ERBB4: variants seen among roughly 807,000 people sequenced by gnomAD.
The protein encoded by ERBB4 is receptor tyrosine-protein kinase erbB-4.
ERBB4 carries 42 observed loss-of-function variants against 158.0 expected under a neutral mutation model. That is an observed-to-expected ratio of 0.27 (90% CI 0.21 to 0.34). ERBB4 has a LOEUF of 0.34. ERBB4 is among the 10% of genes least tolerant of loss of function. The pLI, the probability that ERBB4 is intolerant of heterozygous loss-of-function variation, is 1.00. For missense variants in ERBB4, 1,333 were observed against 1,624.1 expected (o/e 0.82, Z 3.08); for synonymous variants, 583 against 558.7 (o/e 1.04, Z -0.61).
intron 13 of ERBB4, among the ~76,000 whole-genome samples, chr2:211,676,899 T>C (rs1047850213): frequency 6.6e-6 from 1 of 152,212 alleles, no homozygotes; most frequent in African/African-American, 2.4e-5. Flanking sequence ...ATGTTCATAA[T>C]ATTGGGAACA....
At chr2:211,724,383 C>T (rs1231037637) in intron 6 of ERBB4, among the ~76,000 whole-genome samples, 2 of 150,204 alleles carry the variant, frequency 1.3e-5, no homozygotes, top group Non-Finnish European at 3.0e-5. Flanking sequence ...AATTCTACTA[C>T]ATATGTTTGC....
chr2:211,995,700 C>A (rs1199395408), intron 2 of ERBB4, among the ~76,000 whole-genome samples: 1 of 152,136 alleles, frequency 6.6e-6, no homozygotes, highest in East Asian at 1.9e-4. Flanking sequence ...TCAGGTACAA[C>A]ATCTAATGCC....
At chr2:212,245,599 G>A (rs2084278857) in intron 1 of ERBB4, among the ~76,000 whole-genome samples, 1 of 151,844 alleles carries the variant, frequency 6.6e-6, no homozygotes, top group Non-Finnish European at 1.5e-5. Context: ...TGTAAAAGGT[G>A]AAATTATATC....
intron 1 of ERBB4, among the ~76,000 whole-genome samples, chr2:212,210,923 C>G (rs903308088): frequency 2.6e-5 from 4 of 152,066 alleles, no homozygotes; most frequent in African/African-American, 9.7e-5. Flanking sequence ...TGGCATCTCT[C>G]TCTCTCTCAT....
intron 1 of ERBB4, among the ~76,000 whole-genome samples, chr2:212,445,219 G>A (rs1212325173): frequency 6.6e-6 from 1 of 152,026 alleles, no homozygotes; most frequent in African/African-American, 2.4e-5. Context: ...ATGTTCTCCA[G>A]AACGCCGTGT....
At chr2:211,596,568 T>C (rs892668186) in intron 19 of ERBB4, among the ~76,000 whole-genome samples, 2 of 152,176 alleles carry the variant, frequency 1.3e-5, no homozygotes, top group African/African-American at 4.8e-5. Context: ...AATAAACCTC[T>C]GCATTCTCTT....
At chr2:212,106,650 T>A (rs1246330887) in intron 2 of ERBB4, among the ~76,000 whole-genome samples, 4 of 152,208 alleles carry the variant, frequency 2.6e-5, no homozygotes, top group Non-Finnish European at 5.9e-5. Flanking sequence ...GGGGAAAATG[T>A]CCCCAGGGCA....
chr2:212,333,368 G>A (rs929913054), intron 1 of ERBB4, among the ~76,000 whole-genome samples: 3 of 108,858 alleles, frequency 2.8e-5, no homozygotes, highest in Non-Finnish European at 6.3e-5. Flanking sequence ...GCATAATCTG[G>A]GTAGCTTTAA....
At chr2:212,169,190 G>A (rs1389079584) in intron 1 of ERBB4, among the ~76,000 whole-genome samples, 4 of 151,852 alleles carry the variant, frequency 2.6e-5, no homozygotes, top group African/African-American at 9.7e-5. Context: ...AGAAATGTTG[G>A]TATGAGTACG....
intron 1 of ERBB4, among the ~76,000 whole-genome samples, chr2:212,376,852 G>A (rs58503609): frequency 0.05 from 7,535 of 152,040 alleles, 625 homozygotes; most frequent in African/African-American, 0.17. Flanking sequence ...TTCCATGAAA[G>A]TTTTGAAGTC....
At chr2:212,048,212 T>C (rs544898681) in intron 2 of ERBB4, among the ~76,000 whole-genome samples, 8 of 152,328 alleles carry the variant, frequency 5.3e-5, no homozygotes, top group Admixed American at 2.0e-4. Flanking sequence ...CCAAATTCTA[T>C]AGAATTTTGT....
chr2:212,251,080 A>G (rs2084515283), intron 1 of ERBB4, among the ~76,000 whole-genome samples: 2 of 151,978 alleles, frequency 1.3e-5, no homozygotes, highest in South Asian at 4.1e-4. Flanking sequence ...GTACAAAATT[A>G]TTTCAAATTT....
intron 2 of ERBB4, among the ~76,000 whole-genome samples, chr2:212,105,602 C>G (rs10192870): frequency 0.047 from 7,144 of 152,052 alleles, 577 homozygotes; most frequent in African/African-American, 0.16. Flanking sequence ...GCATTTGTGT[C>G]GAAAAATGTT....
chr2:212,388,486 G>C (rs1415079033), intron 1 of ERBB4, among the ~76,000 whole-genome samples: 1 of 152,048 alleles, frequency 6.6e-6, no homozygotes, highest in Non-Finnish European at 1.5e-5. Flanking sequence ...TCTTCGTGCT[G>C]TTATACCTGG....
chr2:211,710,216 G>C (rs979936087), intron 9 of ERBB4, among the ~76,000 whole-genome samples: 137 of 152,214 alleles, frequency 9.0e-4, no homozygotes, highest in African/African-American at 3.2e-3. Context: ...CAATTCATGT[G>C]AATATGATTT....
At chr2:211,709,001 T>C (rs1173916721) in intron 9 of ERBB4, among the ~76,000 whole-genome samples, 2 of 151,922 alleles carry the variant, frequency 1.3e-5, no homozygotes, top group Non-Finnish European at 2.9e-5. Flanking sequence ...TTCTAATCCA[T>C]GTAAGCTGAT....
intron 1 of ERBB4, among the ~76,000 whole-genome samples, chr2:212,382,057 G>A (rs2090520225): frequency 6.6e-6 from 1 of 150,420 alleles, no homozygotes; most frequent in East Asian, 1.9e-4. Context: ...CACCTCCCCA[G>A]GCCTACTAAA....
intron 1 of ERBB4, among the ~76,000 whole-genome samples, chr2:212,214,243 C>T (rs1336764485): frequency 6.6e-6 from 1 of 151,794 alleles, no homozygotes; most frequent in Admixed American, 6.6e-5. Flanking sequence ...TTTATCTGCA[C>T]TGCCCAATAG....
chr2:211,413,343 CACACAT>C (rs1332322448), intron 25 of ERBB4, among the ~76,000 whole-genome samples: 12 of 116,378 alleles, frequency 1.0e-4, no homozygotes, highest in African/African-American at 3.6e-4. Context: ...CACACACACA[CACACAT>C]TGATAAAAAA....
Sources: gnomAD v4.1 joint callset for allele counts (sites outside exome capture counted in the v4.1 genomes callset) on GRCh38, gnomAD v4.1.1 for gene constraint, MANE v1.5 for transcripts, NCBI Gene and HGNC (gene_info 2026-07-23, HGNC 2026-07-21) for gene names.